Variants in ITM2B observed in about 807,000 individuals in gnomAD.
ITM2B encodes the protein integral membrane protein 2B.
ITM2B carries 11 observed loss-of-function variants against 27.8 expected under a neutral mutation model. The observed-to-expected ratio is 0.40, with a 90% CI of 0.25 to 0.66. The LOEUF (loss-of-function observed/expected upper bound fraction) is 0.66. Ranked by LOEUF, ITM2B falls within the 30% of genes least tolerant of loss-of-function variation. The pLI is 0.43. For synonymous variants in ITM2B, 114 were observed against 114.3 expected, an observed-to-expected ratio of 1.00 and a Z score of 0.02; for missense variants, 296 against 328.9, an observed-to-expected ratio of 0.90 and a Z score of 0.77.
rs1254871380 is a variant in ITM2B at position 48,266,165 on chromosome 13, G to A, written c.*4941G>A. On this transcript the variant is annotated 3_prime_UTR_variant, in exon 6 of 6. Transcript: ENST00000647800. The stretch of plus-strand genomic sequence containing the variant: ...GCCTTGAATATAAGATTCAGTGATG[G>A]TGTCCTGCTGCACTTAAGAGAAAAT... The A allele has an allele frequency of 6.6e-6, 1 of 152,082 alleles. No homozygotes were observed. Among genetic ancestry groups the A allele is most frequent in the Non-Finnish European group, 1.5e-5 (1 of 68,032 alleles). 9.4% of individuals were successfully genotyped at this position (152,082 alleles called of 1,614,324 possible).
intron 1 of ITM2B, among the ~76,000 whole-genome samples, chr13:48,245,539 CTGT>C (rs779598989): frequency 2.4e-4 from 36 of 150,904 alleles, no homozygotes; most frequent in Non-Finnish European, 4.1e-4. Flanking sequence ...GATAATCTGC[CTGT>C]TGTTTTTTTT....
rs1593401099 is a variant in ITM2B at position 48,269,938 on chromosome 13, G to A, written c.*8714G>A. On this transcript the variant is annotated 3_prime_UTR_variant, in exon 6 of 6. Transcript: ENST00000647800. ...TCAAACAGCCAATAAACAATGCAAA[G>A]AATAAATGAGAGAGTAATTGGAGAC... The A allele has an allele frequency of 6.6e-6, 1 of 152,214 alleles. No individual in the cohort carries two copies. The highest frequency in any genetic ancestry group is 2.1e-4 in the South Asian group (1 of 4,838). 9.4% of individuals were successfully genotyped at this position (152,214 alleles called of 1,614,324 possible). A position where few individuals can be genotyped will look rare whatever the true frequency, so the allele number is the denominator to read the frequency against.
Position 48,262,237 on chromosome 13 carries a change from A to G in ITM2B, c.*1013A>G, listed in dbSNP as rs1045283787. On this transcript the variant is annotated 3_prime_UTR_variant, in exon 6 of 6. Transcript: ENST00000647800. The stretch of plus-strand genomic sequence containing the variant: ...GGAACATTTTGAGTTAATAATGATG[A>G]TTTTTATGTTTCTAAGGTTGCTTCC... The G allele has an allele frequency of 2.6e-5, 4 of 152,126 alleles. No individual in the cohort carries two copies. The highest frequency in any genetic ancestry group is 4.4e-5 in the Non-Finnish European group (3 of 68,004). The allele number at this position is 152,126 out of a possible 1,614,324, so 9.4% of individuals were successfully genotyped here.
chr13:48,256,973 C>G (rs1951793306), intron 3 of ITM2B, among the ~76,000 whole-genome samples: 1 of 152,088 alleles, frequency 6.6e-6, no homozygotes, highest in Non-Finnish European at 1.5e-5. Context: ...CAGTAGTCCC[C>G]CCTTATCCGT....
Position 48,233,594 on chromosome 13 carries a change from A to T in ITM2B, c.117+117A>T, listed in dbSNP as rs1593385957. 3 of 544,288 alleles carry T rather than the reference A, an allele frequency of 5.5e-6. No individual in the cohort carries two copies. In the East Asian group the frequency reaches 1.1e-4, roughly 20 times the overall value. 33.7% of individuals were successfully genotyped at this position (544,288 alleles called of 1,614,324 possible). Reference sequence around the variant, plus strand: ...GCGCGGGGCTCGCGCCGCGGGGACAAGTCCCCGAGAGAGCCCGGCGCTCCC... The same window carrying T: ...GCGCGGGGCTCGCGCCGCGGGGACATGTCCCCGAGAGAGCCCGGCGCTCCC... On this transcript the variant is annotated intron_variant, in intron 1 of 5. Transcript: ENST00000647800.
chr13:48,253,205 G>GT (rs1256048320), intron 1 of ITM2B, among the ~76,000 whole-genome samples: 1 of 152,102 alleles, frequency 6.6e-6, no homozygotes. Context: ...ATAGGATTAT[G>GT]TATTTCTATG....
intron 5 of ITM2B, 121 bp from the exon 6 acceptor site, chr13:48,261,018 A>C: frequency 1.4e-6 from 1 of 696,152 alleles, no homozygotes; most frequent in Non-Finnish European, 2.5e-6. Context: ...CAAACTGTAG[A>C]AGTTTTTGTG....
chr13:48,237,503 ATAATAT>A (rs1339400830), intron 1 of ITM2B, among the ~76,000 whole-genome samples: 6 of 152,254 alleles, frequency 3.9e-5, no homozygotes, highest in African/African-American at 1.4e-4. Context: ...AGAAATGAGT[ATAATAT>A]ACTTGGCATA....
Position 48,260,453 on chromosome 13 carries a change from A to G in ITM2B, c.716-686A>G, listed in dbSNP as rs797016337. ...TTCCACAATGGTTGAACTAATTTACACTCCCACCAACAGTGTAAAAGCGTT... is the reference window on the plus strand; with the variant it reads ...TTCCACAATGGTTGAACTAATTTACGCTCCCACCAACAGTGTAAAAGCGTT... On this transcript the variant is annotated intron_variant, in intron 5 of 5. Transcript: ENST00000647800. Among the ~76,000 whole-genome samples the G allele has an allele frequency of 3.3e-4, 50 of 151,946 alleles. 1 individual carries two copies. The highest frequency in any genetic ancestry group is 1.1e-3 in the African/African-American group (46 of 41,412).
chr13:48,261,375 C>T lies in ITM2B; in HGVS notation c.*151C>T. ...TTTCATCTCATTAATTCAATTAAAA[C>T]CATTACCTTAAAATTTTTTTCTTTC... On this transcript the variant is annotated 3_prime_UTR_variant, in exon 6 of 6. Transcript: ENST00000647800. 1 of 617,342 alleles carries T rather than the reference C, an allele frequency of 1.6e-6. No individual in the cohort carries two copies. Among genetic ancestry groups the T allele is most frequent in the Non-Finnish European group, 2.8e-6 (1 of 351,626 alleles). 38.2% of individuals were successfully genotyped at this position (617,342 alleles called of 1,614,324 possible).
At position 48,266,167 on chromosome 13, in the gene ITM2B, G is replaced by C. The variant is rs1164029221; in HGVS notation, c.*4943G>C. On this transcript the variant is annotated 3_prime_UTR_variant, in exon 6 of 6. Coordinates refer to ENST00000647800, the MANE Select transcript of ITM2B (RefSeq NM_021999.5). ...CTTGAATATAAGATTCAGTGATGGT[G>C]TCCTGCTGCACTTAAGAGAAAATCC... 6.6e-6 allele frequency: 1 copy of C among 152,128 alleles called. No individual in the cohort carries two copies. The highest frequency in any genetic ancestry group is 2.4e-5 in the African/African-American group (1 of 41,406). The allele number at this position is 152,128 out of a possible 1,614,324, so 9.4% of individuals were successfully genotyped here.
chr13:48,247,160 A>C (rs1170827434), intron 1 of ITM2B, among the ~76,000 whole-genome samples: 1 of 152,114 alleles, frequency 6.6e-6, no homozygotes, highest in Non-Finnish European at 1.5e-5. Flanking sequence ...CGAATCACTA[A>C]ATTTTTTTAA....
intron 3 of ITM2B, among the ~76,000 whole-genome samples, chr13:48,257,807 A>G (rs1951798660): frequency 6.6e-6 from 1 of 152,206 alleles, no homozygotes; most frequent in Non-Finnish European, 1.5e-5. Flanking sequence ...AGATAACCTT[A>G]GAGGGCATTT....
intron 1 of ITM2B, among the ~76,000 whole-genome samples, chr13:48,242,805 CT>C (rs1371881873): frequency 6.0e-5 from 9 of 149,566 alleles, no homozygotes; most frequent in African/African-American, 2.2e-4. Context: ...TTTCTTTTTT[CT>C]TTTATGCTTT....
chr13:48,247,185 T>G (rs1470536458), intron 1 of ITM2B, among the ~76,000 whole-genome samples: 3 of 152,182 alleles, frequency 2.0e-5, no homozygotes. Flanking sequence ...CCAGCTGTTT[T>G]GCTGTTTTGG....
chr13:48,257,629 G>A (rs1171113822), intron 3 of ITM2B, among the ~76,000 whole-genome samples: 1 of 152,106 alleles, frequency 6.6e-6, no homozygotes. Flanking sequence ...GACATTATTT[G>A]ATTTAAGTTA....
intron 5 of ITM2B, among the ~76,000 whole-genome samples, 200 bp from the exon 6 acceptor site, chr13:48,260,939 T>C (rs1415914715): frequency 6.6e-6 from 1 of 152,186 alleles, no homozygotes; most frequent in Admixed American, 6.6e-5. Context: ...AATGTTGCTG[T>C]GATCTGTCAA....
chr13:48,243,152 C>G (rs9534998), intron 1 of ITM2B, among the ~76,000 whole-genome samples: 28,811 of 152,162 alleles, frequency 0.19, 3,181 homozygotes, highest in Non-Finnish European at 0.25. Flanking sequence ...TCTGATCGTC[C>G]TCTTCAAAGT....
In ITM2B at chr13:48,250,526, A is replaced by G. The variant is rs370517953; in HGVS notation, c.118-3282A>G. Among the ~76,000 whole-genome samples, 4 of 152,034 alleles carry G rather than the reference A, an allele frequency of 2.6e-5. No homozygotes were observed. The East Asian group carries it at 5.8e-4, about 22-fold the overall frequency. ...TCAGCTACTCGGGAGACAGAGGCAG[A>G]AGAATGGTGTGAACCCAGGAGGTGG... On this transcript the variant is annotated intron_variant, in intron 1 of 5. Coordinates refer to ENST00000647800, the MANE Select transcript of ITM2B (RefSeq NM_021999.5).
Sources: gnomAD v4.1 joint callset for allele counts (sites outside exome capture counted in the v4.1 genomes callset) on GRCh38, gnomAD v4.1.1 for gene constraint, MANE v1.5 for transcripts, NCBI Gene and HGNC (gene_info 2026-07-23, HGNC 2026-07-21) for gene names.